The following AZIN2 variants were observed in gnomAD, a reference collection of about 807,000 sequenced individuals.
AZIN2 encodes the protein ODC antizyme inhibitor-2.
In AZIN2, 28 loss-of-function variants were observed where a neutral mutation model predicts 47.8. The ratio of observed to expected loss-of-function variants is 0.59; its 90% confidence interval spans 0.43 to 0.80. The LOEUF is 0.80. Ranked by LOEUF, AZIN2 falls within the 30% of genes least tolerant of loss-of-function variation. AZIN2 has a pLI of 0.00. For synonymous variants in AZIN2, 221 were observed against 239.4 expected, an observed-to-expected ratio of 0.92 and a Z score of 0.71; for missense variants, 535 against 582.5, an observed-to-expected ratio of 0.92 and a Z score of 0.84.
the AZIN2 span, among the ~76,000 whole-genome samples, chr1:33,130,417 C>T: frequency 8.8e-3 from 1,343 of 152,366 alleles, 13 homozygotes; most frequent in Non-Finnish European, 0.014. Flanking sequence ...CTCTTGCTCA[C>T]TTGCTCTTAG....
At chr1:33,129,609 CTT>C in the AZIN2 span, among the ~76,000 whole-genome samples, 1 of 152,192 alleles carries the variant, frequency 6.6e-6, no homozygotes, top group South Asian at 2.1e-4. The surrounding 1 kb of genome is among the most constrained non-coding windows in gnomAD (Gnocchi z 4.1). Flanking sequence ...ATGTATGACT[CTT>C]TTGTGTAAAT....
At position 33,081,806 on chromosome 1, in the gene AZIN2, C is replaced by T. The variant is rs1641286763; in HGVS notation, c.-79C>T. The T allele has an allele frequency of 3.9e-6, 1 of 255,588 alleles. No homozygotes were observed. The highest frequency in any genetic ancestry group is 7.7e-6 in the Non-Finnish European group (1 of 129,496). The allele number at this position is 255,588 out of a possible 1,614,324, so 15.8% of individuals were successfully genotyped here. Reference sequence around the variant, plus strand: ...ACGCCTTGATGTGGCCACCGGCTACCCTCTAGGTGGGCGTGGTCAAGACTG... The same window carrying T: ...ACGCCTTGATGTGGCCACCGGCTACTCTCTAGGTGGGCGTGGTCAAGACTG... On this transcript the variant is annotated 5_prime_UTR_variant, in exon 3 of 12. Coordinates refer to ENST00000294517, the MANE Select transcript of AZIN2 (RefSeq NM_052998.4). The surrounding 1 kb of genome is among the most constrained non-coding windows in gnomAD (Gnocchi z 4.2).
chr1:33,150,241 C>T, the AZIN2 span, among the ~76,000 whole-genome samples: 1 of 152,232 alleles, frequency 6.6e-6, no homozygotes, highest in Non-Finnish European at 1.5e-5. Context: ...AGCTCTCTGG[C>T]TCTTTCCTTT....
the AZIN2 span, among the ~76,000 whole-genome samples, chr1:33,161,469 T>A: frequency 6.6e-6 from 1 of 151,842 alleles, no homozygotes; most frequent in South Asian, 2.1e-4. This position sits in a 1 kb window ranked among gnomAD's most constrained non-coding sequence, Gnocchi z 4.3. Flanking sequence ...TGTGGGAGGC[T>A]CTACAAAGGC....
chr1:33,092,248 G>A, intron 6 of AZIN2, 26 bp downstream of exon 6: 2 of 1,607,400 alleles, frequency 1.2e-6, no homozygotes, highest in Non-Finnish European at 1.7e-6. Flanking sequence ...CTCATGGGGA[G>A]GCTGGGCTGT....
In AZIN2 at chr1:33,120,899, G is replaced by T. The variant is rs146400552; in HGVS notation, c.*717G>T. Among the ~76,000 whole-genome samples the T allele has an allele frequency of 4.6e-5, 7 of 152,370 alleles. No homozygotes were observed. The highest frequency in any genetic ancestry group is 1.0e-4 in the Non-Finnish European group (7 of 68,032). ...AGATACAGAGCCAAGAAATGGGTGT[G>T]TGGGAGGTTTTGAGTGGACCCTGCA... On this transcript the variant is annotated 3_prime_UTR_variant, in exon 12 of 12. Coordinates refer to ENST00000294517, the MANE Select transcript of AZIN2 (RefSeq NM_052998.4).
At chr1:33,105,844 G>A (rs927212626) in intron 10 of AZIN2, among the ~76,000 whole-genome samples, 3 of 152,202 alleles carry the variant, frequency 2.0e-5, no homozygotes, top group Non-Finnish European at 4.4e-5. Flanking sequence ...TATCATGGGA[G>A]TTTTATAAGA....
At chr1:33,158,513 T>G in the AZIN2 span, 106 of 642,272 alleles carry the variant, frequency 1.7e-4, no homozygotes, top group Non-Finnish European at 2.6e-5. Flanking sequence ...AGTGCCTGCT[T>G]GTGCTGCTTC....
the AZIN2 span, among the ~76,000 whole-genome samples, chr1:33,155,949 TTGCTTCCTGCTTTAC>T: frequency 6.6e-6 from 1 of 152,244 alleles, no homozygotes; most frequent in African/African-American, 2.4e-5. Flanking sequence ...GCTGATGATC[TTGCTTCCTGCTTTAC>T]TGAGAAAGGT....
At chr1:33,085,245 A>G (rs1277910699) in intron 5 of AZIN2, among the ~76,000 whole-genome samples, 1 of 152,092 alleles carries the variant, frequency 6.6e-6, no homozygotes, top group Non-Finnish European at 1.5e-5. Context: ...AAAAAAAAAA[A>G]AGATGAAATA....
At chr1:33,142,384 C>G in the AZIN2 span, 1 of 152,400 alleles carries the variant, frequency 6.6e-6, no homozygotes, top group Admixed American at 6.5e-5. Flanking sequence ...CCTGCTGCCA[C>G]CCCAGAGAGA....
chr1:33,117,200 C>T (rs1195165870), intron 10 of AZIN2, among the ~76,000 whole-genome samples: 1 of 152,168 alleles, frequency 6.6e-6, no homozygotes, highest in Non-Finnish European at 1.5e-5. Flanking sequence ...CCTCTGTGAC[C>T]TCTGCCAGGT....
the AZIN2 span, chr1:33,146,678 T>A: frequency 1.2e-5 from 2 of 170,612 alleles, no homozygotes; most frequent in African/African-American, 4.8e-5. Flanking sequence ...CAGGCAACCC[T>A]AGGACCAGGT....
chr1:33,133,331 A>C, the AZIN2 span, among the ~76,000 whole-genome samples: 2 of 152,010 alleles, frequency 1.3e-5, no homozygotes. Context: ...TTTTAATGTC[A>C]CTCTTAAATG....
intron 10 of AZIN2, among the ~76,000 whole-genome samples, 159 bp from the exon 11 acceptor site, chr1:33,117,743 G>A (rs567407900): frequency 6.6e-5 from 10 of 152,344 alleles, no homozygotes; most frequent in Non-Finnish European, 1.3e-4. Flanking sequence ...AAGAGGCAAC[G>A]AATGCAGAGA....
intron 5 of AZIN2, among the ~76,000 whole-genome samples, chr1:33,084,625 C>A (rs1009546068): frequency 2.6e-5 from 4 of 152,038 alleles, no homozygotes; most frequent in African/African-American, 9.7e-5. Flanking sequence ...GAGATGGTGT[C>A]TTGCTCTGTC....
the AZIN2 span, chr1:33,165,099 T>G: frequency 5.9e-6 from 1 of 168,080 alleles, no homozygotes; most frequent in Admixed American, 6.4e-5. This position sits in a 1 kb window ranked among gnomAD's most constrained non-coding sequence, Gnocchi z 4.0. Context: ...GGTTGGGCGG[T>G]TTTAATAAGG....
chr1:33,165,688 T>C, the AZIN2 span: 1 of 753,316 alleles, frequency 1.3e-6, no homozygotes, highest in Non-Finnish European at 2.0e-6. The surrounding 1 kb of genome is among the most constrained non-coding windows in gnomAD (Gnocchi z 4.0). Context: ...AACACTTGCC[T>C]CCCGTCACAG....
rs1644801391 is a variant in AZIN2, at chr1:33,121,864, C to A, written c.*1682C>A. Among the ~76,000 whole-genome samples, 1 of 152,170 alleles carries A rather than the reference C, an allele frequency of 6.6e-6. No individual in the cohort carries two copies. Among genetic ancestry groups the A allele is most frequent in the Non-Finnish European group, 1.5e-5 (1 of 68,038 alleles). On this transcript the variant is annotated 3_prime_UTR_variant, in exon 12 of 12. Coordinates refer to ENST00000294517, the MANE Select transcript of AZIN2 (RefSeq NM_052998.4). ...CAGTCCTGGTGGGAACTGTACGTGG[C>A]TTTGAGGTCATCTCATGAGGCAATG...
Sources: allele counts gnomAD v4.1 joint callset (sites outside exome capture counted in the v4.1 genomes callset), GRCh38; gene constraint gnomAD v4.1.1; non-coding constraint Gnocchi (gnomAD v3.1); transcripts MANE v1.5; gene names NCBI Gene and HGNC (gene_info 2026-07-23, HGNC 2026-07-21).